Variants in HCN1 observed in about 807,000 individuals in gnomAD.
HCN1 encodes potassium/sodium hyperpolarization-activated cyclic nucleotide-gated channel 1.
In HCN1, 13 loss-of-function variants were observed where a neutral mutation model predicts 78.9. The ratio of observed to expected loss-of-function variants is 0.16; its 90% CI spans 0.11 to 0.26. The LOEUF is 0.26. Among genes scored for constraint, HCN1 ranks in the 10% least tolerant of loss-of-function variants. The pLI is 1.00. For synonymous variants in HCN1, 552 were observed against 455.5 expected, an observed-to-expected ratio of 1.21 and a Z score of -2.70; for missense variants, 810 against 1,154.3, an observed-to-expected ratio of 0.70 and a Z score of 4.32.
intron 4 of HCN1, among the ~76,000 whole-genome samples, chr5:45,359,627 A>G (rs1463430944): frequency 6.6e-6 from 1 of 151,824 alleles, no homozygotes; most frequent in African/African-American, 2.4e-5. Context: ...ATGTTCAAAT[A>G]AATCATAAAT....
chr5:45,419,371 C>T (rs1274112067), intron 3 of HCN1, among the ~76,000 whole-genome samples: 1 of 152,110 alleles, frequency 6.6e-6, no homozygotes, highest in Non-Finnish European at 1.5e-5. Flanking sequence ...AAAAGAAGCA[C>T]ACAAGAGTGT....
At chr5:45,684,648 G>A in intron 1 of HCN1, among the ~76,000 whole-genome samples, 1 of 152,198 alleles carries the variant, frequency 6.6e-6, no homozygotes, top group East Asian at 1.9e-4. Flanking sequence ...ATTGCTTGAG[G>A]TCAGGAGCTC....
At chr5:45,277,234 TGCTTCATAATACA>T (rs946625450) in intron 6 of HCN1, among the ~76,000 whole-genome samples, 1 of 152,160 alleles carries the variant, frequency 6.6e-6, no homozygotes, top group Non-Finnish European at 1.5e-5. Flanking sequence ...TCAAATCTTT[TGCTTCATAATACA>T]GGCATATTTA....
chr5:45,349,365 T>G (rs999966149), intron 5 of HCN1, among the ~76,000 whole-genome samples: 6 of 152,050 alleles, frequency 3.9e-5, no homozygotes, highest in Non-Finnish European at 7.4e-5. Context: ...CTGGGACACA[T>G]TCAAAGTAGT....
chr5:45,635,976 A>G (rs1019876254), intron 2 of HCN1, among the ~76,000 whole-genome samples: 1 of 152,190 alleles, frequency 6.6e-6, no homozygotes, highest in Non-Finnish European at 1.5e-5. Flanking sequence ...AATCAGACTA[A>G]AGTGAAAGAC....
rs1370048764 is a variant in HCN1 at position 45,682,017 on chromosome 5, A to G, written c.425+13652T>C. ...ATTAGGTCATGAGGATAGAGCCTTCATGAATGGGTTTGGTGCCCTCCTAAA... is the reference window on the plus strand; with the variant it reads ...ATTAGGTCATGAGGATAGAGCCTTCGTGAATGGGTTTGGTGCCCTCCTAAA... On this transcript the variant is annotated intron_variant, in intron 1 of 7. Transcript: ENST00000303230. 3.9e-5 allele frequency among the ~76,000 whole-genome samples: 6 copies of G among 152,020 alleles called. No homozygotes were observed. In the East Asian group the frequency reaches 9.7e-4, roughly 25 times the overall value.
At chr5:45,562,295 T>C (rs1030749275) in intron 2 of HCN1, among the ~76,000 whole-genome samples, 6 of 152,144 alleles carry the variant, frequency 3.9e-5, no homozygotes, top group African/African-American at 1.4e-4. Context: ...CCAAAGTGTG[T>C]TTTCCTAACA....
chr5:45,579,789 A>G (rs1744020570), intron 2 of HCN1, among the ~76,000 whole-genome samples: 1 of 152,140 alleles, frequency 6.6e-6, no homozygotes, highest in Admixed American at 6.6e-5. Flanking sequence ...AGAGAGAAAA[A>G]GAAAAGATGA....
intron 2 of HCN1, among the ~76,000 whole-genome samples, chr5:45,495,340 G>T (rs200336139): frequency 0.063 from 8,532 of 136,474 alleles, 198 homozygotes; most frequent in East Asian, 0.13. Context: ...GGATTCCTAG[G>T]TATTTTATTC....
At chr5:45,586,416 A>G (rs772345876) in intron 2 of HCN1, among the ~76,000 whole-genome samples, 1 of 152,084 alleles carries the variant, frequency 6.6e-6, no homozygotes, top group Non-Finnish European at 1.5e-5. Context: ...TCCAGGTGCC[A>G]TCTGTTACCC....
At chr5:45,505,066 T>C (rs924373051) in intron 2 of HCN1, among the ~76,000 whole-genome samples, 2 of 152,216 alleles carry the variant, frequency 1.3e-5, no homozygotes, top group African/African-American at 4.8e-5. Context: ...TTCACTCTGA[T>C]GGTAGTTTCT....
At chr5:45,501,590 G>A (rs552467782) in intron 2 of HCN1, among the ~76,000 whole-genome samples, 59 of 152,000 alleles carry the variant, frequency 3.9e-4, no homozygotes, top group African/African-American at 1.4e-3. Context: ...ACAGGCACCC[G>A]CCACCACGCC....
chr5:45,402,402 A>G (rs1193099100), intron 3 of HCN1, among the ~76,000 whole-genome samples: 2 of 152,128 alleles, frequency 1.3e-5, no homozygotes, highest in African/African-American at 4.8e-5. Flanking sequence ...CAACTGGCAG[A>G]GGTGCTATTA....
At chr5:45,659,163 C>A (rs1287970625) in intron 1 of HCN1, among the ~76,000 whole-genome samples, 2 of 150,122 alleles carry the variant, frequency 1.3e-5, no homozygotes, top group Non-Finnish European at 3.0e-5. Context: ...CCCGAGCAGC[C>A]TAACTGGGAG....
intron 1 of HCN1, among the ~76,000 whole-genome samples, chr5:45,647,783 T>C (rs1206389332): frequency 1.3e-5 from 2 of 152,082 alleles, no homozygotes; most frequent in Non-Finnish European, 2.9e-5. Flanking sequence ...CTATGTGTGA[T>C]TTGCAAGCCA....
At chr5:45,430,034 G>T (rs766016427) in intron 3 of HCN1, among the ~76,000 whole-genome samples, 11 of 151,890 alleles carry the variant, frequency 7.2e-5, no homozygotes, top group Non-Finnish European at 1.6e-4. Context: ...TAAGTACAAA[G>T]ACTCTAGGCA....
At chr5:45,275,817 A>C (rs968651364) in intron 6 of HCN1, among the ~76,000 whole-genome samples, 5 of 152,152 alleles carry the variant, frequency 3.3e-5, no homozygotes, top group African/African-American at 9.7e-5. Context: ...AAAGCTAAGA[A>C]GGGTAAAACC....
chr5:45,285,901 A>T (rs554417490), intron 6 of HCN1, among the ~76,000 whole-genome samples: 2 of 151,970 alleles, frequency 1.3e-5, no homozygotes, highest in Admixed American at 1.3e-4. Flanking sequence ...TTATCTTATA[A>T]ACAAATCATC....
intron 2 of HCN1, chr5:45,576,022 T>C (rs879749387): frequency 3.3e-5 from 5 of 152,056 alleles, no homozygotes; most frequent in Non-Finnish European, 7.4e-5. Flanking sequence ...TGTTGATTGA[T>C]GGGAGGAGGT....
Sources: allele counts gnomAD v4.1 joint callset (sites outside exome capture counted in the v4.1 genomes callset), GRCh38; gene constraint gnomAD v4.1.1; transcripts MANE v1.5; gene names NCBI Gene and HGNC (gene_info 2026-07-23, HGNC 2026-07-21).